NPLOC4: variants seen among roughly 807,000 people sequenced by gnomAD.
NPLOC4 encodes nuclear protein localization protein 4 homolog.
In NPLOC4, 18 loss-of-function variants were observed where a neutral mutation model predicts 80.6. The observed-to-expected ratio is 0.22, with a 90% CI of 0.15 to 0.33. The LOEUF (loss-of-function observed/expected upper bound fraction) is 0.33. NPLOC4 is among the 10% of genes least tolerant of loss of function. NPLOC4 has a pLI of 1.00. For missense variants in NPLOC4, 540 were observed against 786.1 expected (o/e 0.69, Z 3.74); for synonymous variants, 313 against 301.5 (o/e 1.04, Z -0.39).
At chr17:81,591,466 A>ACAAACAAACAAACAAACAAAAAAAAAAC (rs1568136541) in intron 11 of NPLOC4, among the ~76,000 whole-genome samples, 1 of 142,404 alleles carries the variant, frequency 7.0e-6, no homozygotes, top group African/African-American at 2.7e-5. Context: ...AAAAAAAAAA[A>ACAAACAAACAAACAAACAAAAAAAAAAC]AAAAAACCTG....
rs58774657 is a variant in NPLOC4 at position 81,564,083 on chromosome 17, AACACACACACACAC to A, written c.1669+1408_1669+1421del. On this transcript the variant is annotated intron_variant, in intron 16 of 16. Coordinates refer to ENST00000331134, the MANE Select transcript of NPLOC4 (RefSeq NM_017921.4). Reference sequence around the variant, plus strand: ...GAGACAGGGTGAGGCTCCAGCTCAAAACACACACACACACACACACACACACACACACACAAAGA... The same window carrying A: ...GAGACAGGGTGAGGCTCCAGCTCAAAACACACACACACACACACACAAAGA... 7 of 274,810 alleles carry A rather than the reference AACACACACACACAC, an allele frequency of 2.5e-5. No homozygotes were observed. The East Asian group carries it at 4.7e-4, about 19-fold the overall frequency. 17.0% of individuals were successfully genotyped at this position (274,810 alleles called of 1,614,324 possible).
chr17:81,589,928 G>A (rs1354233248), intron 11 of NPLOC4, among the ~76,000 whole-genome samples: 2 of 152,072 alleles, frequency 1.3e-5, no homozygotes, highest in Non-Finnish European at 2.9e-5. Flanking sequence ...CAGCACTTGG[G>A]CTCCTGGTTC....
intron 15 of NPLOC4, among the ~76,000 whole-genome samples, 164 bp from the exon 16 acceptor site, chr17:81,565,771 A>G (rs954201031): frequency 2.0e-5 from 3 of 152,254 alleles, no homozygotes; most frequent in Non-Finnish European, 2.9e-5. Flanking sequence ...ACTTACATCT[A>G]TAAACGCAAG....
At chr17:81,597,807 T>C (rs1219709080) in intron 9 of NPLOC4, among the ~76,000 whole-genome samples, 1 of 137,592 alleles carries the variant, frequency 7.3e-6, no homozygotes, top group Non-Finnish European at 1.6e-5. Flanking sequence ...AAAAATTAGC[T>C]GGGCGTGGCC....
chr17:81,594,510 C>T (rs2034843424), intron 11 of NPLOC4, among the ~76,000 whole-genome samples: 1 of 152,008 alleles, frequency 6.6e-6, no homozygotes, highest in African/African-American at 2.4e-5. Context: ...GGCGCAGTGG[C>T]TCACGCCTGT....
intron 12 of NPLOC4, among the ~76,000 whole-genome samples, chr17:81,585,191 A>AAC (rs2034544565): frequency 6.6e-6 from 1 of 151,052 alleles, no homozygotes; most frequent in Non-Finnish European, 1.5e-5. Context: ...AAAAAAAAAA[A>AAC]AAAAGAGTAT....
chr17:81,608,402 T>C (rs893688207), intron 6 of NPLOC4, among the ~76,000 whole-genome samples: 2 of 152,270 alleles, frequency 1.3e-5, no homozygotes, highest in East Asian at 3.9e-4. Flanking sequence ...TCGCTCTGCC[T>C]TGCTAGCTCC....
intron 11 of NPLOC4, among the ~76,000 whole-genome samples, chr17:81,594,572 G>A (rs1271818684): frequency 1.3e-5 from 2 of 151,902 alleles, no homozygotes; most frequent in East Asian, 1.9e-4. Context: ...TCAGGAGATC[G>A]AGACCATCCT....
intron 12 of NPLOC4, among the ~76,000 whole-genome samples, chr17:81,583,403 G>A (rs1029692345): frequency 1.3e-5 from 2 of 152,148 alleles, no homozygotes; most frequent in African/African-American, 2.4e-5. Context: ...AATAGAAAAG[G>A]AAACAAGAAC....
At chr17:81,605,805 C>CA (rs1213746972) in intron 7 of NPLOC4, among the ~76,000 whole-genome samples, 1 of 146,840 alleles carries the variant, frequency 6.8e-6, no homozygotes, top group Non-Finnish European at 1.5e-5. Context: ...ATCTCTAGGG[C>CA]AAAAAACAAA....
chr17:81,631,624 G>C (rs901599480), intron 1 of NPLOC4, among the ~76,000 whole-genome samples: 1 of 151,940 alleles, frequency 6.6e-6, no homozygotes, highest in African/African-American at 2.4e-5. Context: ...CAAGGAGGAT[G>C]ACATGGCATG....
intron 2 of NPLOC4, among the ~76,000 whole-genome samples, chr17:81,626,784 A>G (rs2035806814): frequency 6.6e-6 from 1 of 152,118 alleles, no homozygotes; most frequent in African/African-American, 2.4e-5. Context: ...GGCAAAAATA[A>G]TAATAATAAT....
chr17:81,611,052 G>C, intron 4 of NPLOC4, among the ~76,000 whole-genome samples: 1 of 152,176 alleles, frequency 6.6e-6, no homozygotes, highest in East Asian at 1.9e-4. Context: ...AAAGGCAGTG[G>C]CTCACACCTC....
intron 8 of NPLOC4, among the ~76,000 whole-genome samples, chr17:81,602,578 T>C (rs1028964267): frequency 6.6e-6 from 1 of 151,884 alleles, no homozygotes; most frequent in Non-Finnish European, 1.5e-5. Flanking sequence ...TGGCGGCACC[T>C]GTAATCCCCG....
chr17:81,635,357 T>TAA (rs10627051), intron 1 of NPLOC4, among the ~76,000 whole-genome samples: 41,691 of 126,384 alleles, frequency 0.33, 7,607 homozygotes, highest in Middle Eastern at 0.46. Context: ...AAAATAAGGT[T>TAA]AAAAAAAAAA....
intron 1 of NPLOC4, 127 bp downstream of exon 1, chr17:81,636,789 G>C (rs773157990): frequency 9.6e-7 from 1 of 1,045,238 alleles, no homozygotes; most frequent in South Asian, 3.3e-5. Flanking sequence ...TACAGAGAAA[G>C]CCCTGGCGAG....
At chr17:81,593,144 A>G (rs373722008) in intron 11 of NPLOC4, among the ~76,000 whole-genome samples, 61 of 152,304 alleles carry the variant, frequency 4.0e-4, no homozygotes, top group African/African-American at 1.2e-3. Flanking sequence ...ATGATATGAG[A>G]TTAGAAGCAA....
intron 12 of NPLOC4, among the ~76,000 whole-genome samples, chr17:81,581,112 G>A (rs1568128685): frequency 6.6e-6 from 1 of 152,176 alleles, no homozygotes; most frequent in Non-Finnish European, 1.5e-5. Flanking sequence ...CACTCTGGGA[G>A]GCCAAGGCGG....
rs900131188 is a variant in NPLOC4, at chr17:81,627,285, G to A, written c.96+2440C>T. Among the ~76,000 whole-genome samples the A allele has an allele frequency of 1.1e-4, 16 of 152,068 alleles. No individual in the cohort carries two copies. The East Asian group carries it at 1.7e-3, about 17-fold the overall frequency. On this transcript the variant is annotated intron_variant, in intron 2 of 16. Coordinates refer to ENST00000331134, the MANE Select transcript of NPLOC4 (RefSeq NM_017921.4). ...CGGGTGCCTGTAGTCCCAGCTACTC[G>A]GGAGGCTGAGGCAGGGAAATGGCAT...
Sources: allele counts gnomAD v4.1 joint callset (sites outside exome capture counted in the v4.1 genomes callset), GRCh38; gene constraint gnomAD v4.1.1; transcripts MANE v1.5; gene names NCBI Gene and HGNC (gene_info 2026-07-23, HGNC 2026-07-21).